PDCD6IP: variants seen among roughly 807,000 people sequenced by gnomAD.
The protein encoded by PDCD6IP is programmed cell death 6 interacting protein.
In PDCD6IP, 43 loss-of-function variants were observed where a neutral mutation model predicts 103.7. The ratio of observed to expected loss-of-function variants is 0.41; its 90% CI spans 0.32 to 0.53. The LOEUF (loss-of-function observed/expected upper bound fraction) is 0.53, where lower values mean the gene tolerates loss of function less well. Among genes scored for constraint, PDCD6IP ranks in the 20% least tolerant of loss-of-function variants. The probability of loss-of-function intolerance (pLI) is 0.16; values close to 1 mark genes in which losing one functional copy is unlikely to be tolerated. For synonymous variants in PDCD6IP, 354 were observed against 378.7 expected (o/e 0.93, Z 0.76); for missense variants, 871 against 1,036.7 (o/e 0.84, Z 2.20).
chr3:33,814,908 A>T (rs1016172370), intron 3 of PDCD6IP, among the ~76,000 whole-genome samples: 14 of 146,338 alleles, frequency 9.6e-5, no homozygotes, highest in Non-Finnish European at 1.5e-4. Flanking sequence ...ATATACATAT[A>T]TGTATATATT....
intron 3 of PDCD6IP, among the ~76,000 whole-genome samples, chr3:33,818,469 AT>A (rs1211825794): frequency 6.9e-6 from 1 of 145,932 alleles, no homozygotes; most frequent in African/African-American, 2.5e-5. Flanking sequence ...TATTTATTGA[AT>A]TAATTAAAAT....
At chr3:33,840,711 T>C (rs111377227) in intron 9 of PDCD6IP, among the ~76,000 whole-genome samples, 5,917 of 152,328 alleles carry the variant, frequency 0.039, 186 homozygotes, top group South Asian at 0.074. Context: ...GGAATTGTTA[T>C]TGTGCTACAA....
chr3:33,853,822 A>G, intron 13 of PDCD6IP, 57 bp from the exon 14 acceptor site: 1 of 1,252,206 alleles, frequency 8.0e-7, no homozygotes, highest in South Asian at 2.0e-5. Context: ...TAAAAATGTT[A>G]TGAGCTATAT....
At chr3:33,808,658 G>A (rs74919073) in intron 1 of PDCD6IP, among the ~76,000 whole-genome samples, 12,425 of 152,168 alleles carry the variant, frequency 0.082, 573 homozygotes, top group African/African-American at 0.093. Flanking sequence ...GGATTACTAC[G>A]GTAGCTTCCT....
chr3:33,844,339 CAGTTTTAGT>C (rs1559790950), intron 11 of PDCD6IP, 116 bp downstream of exon 11: 1 of 535,878 alleles, frequency 1.9e-6, no homozygotes, highest in African/African-American at 2.0e-5. Flanking sequence ...TGTTTTTCCT[CAGTTTTAGT>C]ATAAAGATTA....
chr3:33,805,230 C>T lies in PDCD6IP; in HGVS notation c.209+6293C>T, dbSNP rs558969340. ...AGTTAGCCGGTCATGGTGGCGGGTG[C>T]CTGTAATCGCAGCTGCTCGGGAGGC... On this transcript the variant is annotated intron_variant, in intron 1 of 17. Transcript: ENST00000307296. Among the ~76,000 whole-genome samples, 177 of 151,716 alleles carry T rather than the reference C, an allele frequency of 1.2e-3. 1 individual carries two copies. Among genetic ancestry groups the T allele is most frequent in the South Asian group, 2.1e-3 (10 of 4,772 alleles).
intron 7 of PDCD6IP, 67 bp from the exon 8 acceptor site, chr3:33,835,977 G>A: frequency 1.1e-6 from 1 of 900,742 alleles, no homozygotes; most frequent in Non-Finnish European, 1.7e-6. Flanking sequence ...TTAAATACTT[G>A]GTGGGGAAAG....
At chr3:33,838,456 T>C (rs1697399800) in intron 9 of PDCD6IP, 129 bp downstream of exon 9, 7 of 811,200 alleles carry the variant, frequency 8.6e-6, no homozygotes, top group Non-Finnish European at 1.2e-5. Context: ...GACACACACT[T>C]ACAACTATTT....
In PDCD6IP at chr3:33,798,679, G is replaced by A. The variant is rs1203237264; in HGVS notation, c.-50G>A. 1.4e-6 allele frequency: 2 copies of A among 1,470,426 alleles called. No individual in the cohort carries two copies. Among genetic ancestry groups the A allele is most frequent in the South Asian group, 1.3e-5 (1 of 75,276 alleles). 91.1% of individuals were successfully genotyped at this position (1,470,426 alleles called of 1,614,324 possible). A position where few individuals can be genotyped will look rare whatever the true frequency, so the allele number is the denominator to read the frequency against. Reference sequence around the variant, plus strand: ...CAGTACCTCTCTCTCCTCGGCCCTCGTAAGCTGTCCGCGGTCTGTTTGGCC... The same window carrying A: ...CAGTACCTCTCTCTCCTCGGCCCTCATAAGCTGTCCGCGGTCTGTTTGGCC... On this transcript the variant is annotated 5_prime_UTR_variant, in exon 1 of 18. Coordinates refer to ENST00000307296, the MANE Select transcript of PDCD6IP (RefSeq NM_013374.6).
intron 1 of PDCD6IP, among the ~76,000 whole-genome samples, chr3:33,805,901 C>T (rs568305647): frequency 2.4e-4 from 36 of 152,100 alleles, no homozygotes; most frequent in African/African-American, 7.0e-4. Context: ...CCCACCACTA[C>T]GCCCGGCTAA....
At chr3:33,859,373 T>G (rs1482247014) in intron 15 of PDCD6IP, among the ~76,000 whole-genome samples, 1 of 151,946 alleles carries the variant, frequency 6.6e-6, no homozygotes, top group Non-Finnish European at 1.5e-5. Context: ...AAGAATAAGT[T>G]TCTCATAGAA....
At chr3:33,810,679 C>T (rs1419843017) in intron 1 of PDCD6IP, among the ~76,000 whole-genome samples, 1 of 152,162 alleles carries the variant, frequency 6.6e-6, no homozygotes, top group Non-Finnish European at 1.5e-5. Flanking sequence ...TGGTGACATG[C>T]ACCTGTAGTC....
chr3:33,840,698 T>C (rs1234917916), intron 9 of PDCD6IP, among the ~76,000 whole-genome samples: 3 of 152,172 alleles, frequency 2.0e-5, no homozygotes, highest in African/African-American at 4.8e-5. Context: ...CTGAAATAAC[T>C]GAGGAATTGT....
chr3:33,842,306 A>G (rs1052837481), intron 10 of PDCD6IP, among the ~76,000 whole-genome samples: 6 of 152,188 alleles, frequency 3.9e-5, no homozygotes, highest in Admixed American at 6.5e-5. Context: ...ATGAAACTCA[A>G]ATGACCACTG....
Position 33,813,592 on chromosome 3 carries a change from G to A in PDCD6IP, c.298G>A (p.Asp100Asn), listed in dbSNP as rs748666912. The A allele has an allele frequency of 8.1e-6, 13 of 1,609,580 alleles. No homozygotes were observed. Among genetic ancestry groups the A allele is most frequent in the Admixed American group, 6.7e-5 (4 of 59,888 alleles). Residue 100 changes from aspartate to asparagine, a missense_variant, in exon 3 of 18, where the codon GAT becomes AAT. By Grantham distance (23) the Asp-to-Asn change is conservative (BLOSUM62 1). Coordinates refer to ENST00000307296, the MANE Select transcript of PDCD6IP (RefSeq NM_013374.6). ...GACATTTACCTGGAAGGATGCTTTC[G>A]ATAAAGGTTCACTTTTTGGAGGCTC... ...CLTFTWKDAFDKGSLFGGSVK... is the reference protein window; with the variant it reads ...CLTFTWKDAFNKGSLFGGSVK...
In PDCD6IP at chr3:33,845,407, A is replaced by G. The variant is rs757323094; in HGVS notation, c.1472-12A>G. The G allele has an allele frequency of 8.7e-5, 139 of 1,606,292 alleles. No homozygotes were observed. The highest frequency in any genetic ancestry group is 1.1e-4 in the Non-Finnish European group (135 of 1,175,182). ...TCACTTCTGTGCTCTGCAAACTTTT[A>G]TTTTCTCCCAGAGGGAACCAACTTC... On this transcript the variant is annotated splice_polypyrimidine_tract_variant and intron_variant, in intron 11 of 17. Coordinates refer to ENST00000307296, the MANE Select transcript of PDCD6IP (RefSeq NM_013374.6).
intron 11 of PDCD6IP, among the ~76,000 whole-genome samples, chr3:33,844,568 C>A (rs987992061): frequency 6.6e-6 from 1 of 152,150 alleles, no homozygotes; most frequent in Non-Finnish European, 1.5e-5. Flanking sequence ...GCAGCCCCAA[C>A]CTCCAGGGCT....
rs1390979978 is a variant in PDCD6IP, at chr3:33,865,262, C to A, written c.2264C>A (p.Pro755Gln). Residue 755 changes from proline (P) to glutamine (Q), a missense_variant, in exon 17 of 18, where the codon CCA becomes CAA. By Grantham distance (76) the Pro-to-Gln change is moderately conservative (BLOSUM62 -1). This residue lies in a region of PDCD6IP where 202 missense variants were observed against 205.2 expected (regional missense o/e 0.98). Transcript: ENST00000307296. The part of the protein sequence containing the change: ...RTMPPTKPQP[P>Q]ARPPPPVLPA... ...TTATAGCCTACTAAGCCCCAGCCCC[C>A]AGCCAGGCCTCCACCACCTGTGCTT... 1 of 1,559,152 alleles carries A rather than the reference C, an allele frequency of 6.4e-7. No homozygotes were observed.
chr3:33,807,181 ATTC>A (rs1396297861), intron 1 of PDCD6IP, among the ~76,000 whole-genome samples: 5 of 152,184 alleles, frequency 3.3e-5, no homozygotes, highest in African/African-American at 7.2e-5. Flanking sequence ...CAGTTTAGCC[ATTC>A]TTCTTTTCCT....
Sources: gnomAD v4.1 joint callset for allele counts (sites outside exome capture counted in the v4.1 genomes callset) on GRCh38, gnomAD v4.1.1 for gene constraint, gnomAD v4.1.1 regional missense constraint, MANE v1.5 for transcripts, NCBI Gene and HGNC (gene_info 2026-07-23, HGNC 2026-07-21) for gene names.